PPIL4: variants seen among roughly 807,000 people sequenced by gnomAD.
The protein encoded by PPIL4 is peptidyl-prolyl cis-trans isomerase-like 4.
PPIL4 carries 50 observed loss-of-function variants against 69.1 expected under a neutral mutation model. The observed-to-expected ratio is 0.72, with a 90% CI of 0.58 to 0.92. PPIL4 has a LOEUF of 0.92. Among genes scored for constraint, PPIL4 ranks in the 40% least tolerant of loss-of-function variants. The pLI is 0.00. For synonymous variants in PPIL4, 193 were observed against 191.6 expected, an observed-to-expected ratio of 1.01 and a Z score of -0.06; for missense variants, 480 against 587.9, an observed-to-expected ratio of 0.82 and a Z score of 1.90.
At chr6:149,525,268 C>T in intron 8 of PPIL4, 59 bp from the exon 9 acceptor site, 1 of 852,220 alleles carries the variant, frequency 1.2e-6, no homozygotes, top group African/African-American at 1.7e-5. Flanking sequence ...AGCATTCACT[C>T]TCACTCTTCA....
intron 12 of PPIL4, among the ~76,000 whole-genome samples, chr6:149,507,719 T>C (rs1381898096): frequency 6.6e-6 from 1 of 152,206 alleles, no homozygotes; most frequent in African/African-American, 2.4e-5. Context: ...AGCTGAATAT[T>C]TGAATTGGAC....
At position 149,537,002 on chromosome 6, in the gene PPIL4, T is replaced by C. The variant is rs369003072; in HGVS notation, c.322-1264A>G. Among the ~76,000 whole-genome samples the C allele has an allele frequency of 5.2e-3, 793 of 152,090 alleles. 3 individuals carry two copies. The highest frequency in any genetic ancestry group is 0.016 in the South Asian group (75 of 4,826). On this transcript the variant is annotated intron_variant, in intron 4 of 12. Transcript: ENST00000253329. ...TTAGCCAGGCATGGTGGCGTGTGCC[T>C]GTAATCCCAGCTACTCAGGAGGCTG...
rs191296732 is a variant in PPIL4, at chr6:149,511,476, T to C, written c.1227+679A>G. Among the ~76,000 whole-genome samples the C allele has an allele frequency of 9.3e-4, 142 of 152,146 alleles. 1 individual carries two copies. The highest frequency in any genetic ancestry group is 1.7e-3 in the Non-Finnish European group (114 of 67,992). On this transcript the variant is annotated intron_variant, in intron 12 of 12. Transcript: ENST00000253329. ...TTTTGTCGAGATGGGGGTTTCACCA[T>C]GTTGCCCAGGCTGGTCTCCAACTCT...
intron 1 of PPIL4, among the ~76,000 whole-genome samples, chr6:149,543,543 GT>G (rs1164866911): frequency 6.6e-6 from 1 of 152,038 alleles, no homozygotes; most frequent in Admixed American, 6.5e-5. Flanking sequence ...ATTATTGCTA[GT>G]TTTTTCAAAG....
intron 12 of PPIL4, among the ~76,000 whole-genome samples, chr6:149,506,442 A>C (rs1172362435): frequency 2.0e-5 from 3 of 152,222 alleles, no homozygotes; most frequent in Admixed American, 6.5e-5. Flanking sequence ...ACTGCACTCC[A>C]GCCTGGGCAA....
At chr6:149,539,590 G>A (rs1006826414) in intron 4 of PPIL4, among the ~76,000 whole-genome samples, 3 of 151,892 alleles carry the variant, frequency 2.0e-5, no homozygotes, top group African/African-American at 7.3e-5. Flanking sequence ...ATGTTTCCTG[G>A]GCTGGTCTCG....
chr6:149,526,746 G>A lies in PPIL4; in HGVS notation c.709C>T (p.Pro237Ser), dbSNP rs1212886820. The A allele has an allele frequency of 6.2e-7, 1 of 1,612,638 alleles. No homozygotes were observed. The highest frequency in any genetic ancestry group is 8.5e-7 in the Non-Finnish European group (1 of 1,179,050). ...VGDLPDADIK[P>S]PENVLFVCKL... ...CACACAAACAGTACATTTTCTGGAGGTTTAATATCTGCATCAGGTAGGTCT... is the reference window on the plus strand; with the variant it reads ...CACACAAACAGTACATTTTCTGGAGATTTAATATCTGCATCAGGTAGGTCT... Residue 237 changes from proline to serine, a missense_variant, in exon 8 of 13, where the codon CCT (proline) becomes TCT (serine). Pro to Ser is a moderately conservative substitution (Grantham distance 74, BLOSUM62 -1). Coordinates refer to ENST00000253329, the MANE Select transcript of PPIL4 (RefSeq NM_139126.4).
At chr6:149,535,574 A>T (rs1429210894) in intron 5 of PPIL4, 22 bp downstream of exon 5, 5 of 1,597,484 alleles carry the variant, frequency 3.1e-6, no homozygotes, top group Non-Finnish European at 3.4e-6. Context: ...TAGTACATTC[A>T]GATAGCAAAT....
chr6:149,538,442 G>A (rs866587163), intron 4 of PPIL4, among the ~76,000 whole-genome samples: 34 of 152,194 alleles, frequency 2.2e-4, no homozygotes, highest in African/African-American at 4.8e-4. Flanking sequence ...CTTGAGCAAC[G>A]TAGTGAGGCC....
chr6:149,514,343 A>G (rs1469086102), intron 11 of PPIL4, among the ~76,000 whole-genome samples: 1 of 152,094 alleles, frequency 6.6e-6, no homozygotes, highest in East Asian at 1.9e-4. Context: ...TCTTCAGAGC[A>G]CTCAGTCTTG....
chr6:149,514,700 TA>T (rs796094209), intron 11 of PPIL4, among the ~76,000 whole-genome samples: 4,024 of 145,284 alleles, frequency 0.028, 159 homozygotes, highest in African/African-American at 0.094. Flanking sequence ...CAACAGCATT[TA>T]AAAAAAAAAA....
intron 9 of PPIL4, among the ~76,000 whole-genome samples, chr6:149,522,060 A>G (rs1175819745): frequency 6.6e-6 from 1 of 152,230 alleles, no homozygotes; most frequent in Non-Finnish European, 1.5e-5. Flanking sequence ...ATCCATGAAG[A>G]TATAGACAAA....
In PPIL4 at chr6:149,545,837, G is replaced by A. The variant is rs1327738407; in HGVS notation, c.70+99C>T. On this transcript the variant is annotated intron_variant, in intron 1 of 12. Coordinates refer to ENST00000253329, the MANE Select transcript of PPIL4 (RefSeq NM_139126.4). ...GCGGGCACCAGCAGCCCAGAAGCTC[G>A]AGCTCTAGCCAATCTCTGCCCTGGA... The A allele has an allele frequency of 7.8e-6, 9 of 1,147,100 alleles. No homozygotes were observed. The African/African-American group carries it at 1.4e-4, about 18-fold the overall frequency. 71.1% of individuals were successfully genotyped at this position (1,147,100 alleles called of 1,614,324 possible).
At chr6:149,538,021 G>C (rs537409900) in intron 4 of PPIL4, among the ~76,000 whole-genome samples, 2 of 152,142 alleles carry the variant, frequency 1.3e-5, no homozygotes, top group Non-Finnish European at 2.9e-5. Context: ...CACTTTGGGA[G>C]GCTGAGGCAG....
rs1040347094 is a variant in PPIL4, at chr6:149,512,044, C to T, written c.1227+111G>A. ...ACCATTCTGCTTCTTAGGAACAAAC[C>T]CATCTCTGCTTAGAACTATCCCTTA... On this transcript the variant is annotated intron_variant, in intron 12 of 12. Coordinates refer to ENST00000253329, the MANE Select transcript of PPIL4 (RefSeq NM_139126.4). 1.4e-4 allele frequency: 111 copies of T among 802,044 alleles called. No homozygotes were observed. In the African/African-American group the frequency reaches 1.8e-3, roughly 13 times the overall value. The allele number at this position is 802,044 out of a possible 1,614,324, so 49.7% of individuals were successfully genotyped here. A position where few individuals can be genotyped will look rare whatever the true frequency, so the allele number is the denominator to read the frequency against.
intron 9 of PPIL4, among the ~76,000 whole-genome samples, chr6:149,523,973 A>G (rs920954971): frequency 2.0e-5 from 3 of 152,004 alleles, no homozygotes; most frequent in Non-Finnish European, 4.4e-5. Flanking sequence ...ATCTTCCCCA[A>G]CCCTCCATGA....
In PPIL4 at chr6:149,505,524, T is replaced by C. The variant is rs201695331; in HGVS notation, c.1408A>G (p.Arg470Gly). The change falls in exon 13 of 13, where the codon AGG becomes GGG. Residue 470 changes from arginine (R) to glycine (G), a missense_variant. Arg to Gly is a moderately radical substitution (Grantham distance 125). Transcript: ENST00000253329. ...CTGCTTCGGTCTCTCTTTTTACTCCTTTCTCTTTCATAAAGATCTGTTTGG... is the reference window on the plus strand; with the variant it reads ...CTGCTTCGGTCTCTCTTTTTACTCCCTTCTCTTTCATAAAGATCTGTTTGG... Reference protein sequence around the residue: ...KYQTDLYERERSKKRDRSRSP... With the variant: ...KYQTDLYEREGSKKRDRSRSP... 2.5e-6 allele frequency: 4 copies of C among 1,614,086 alleles called. No homozygotes were observed. The East Asian group carries it at 6.7e-5, about 27-fold the overall frequency.
rs1776756255 is a variant in PPIL4 at position 149,505,536 on chromosome 6, A to G, written c.1396T>C (p.Tyr466His). Reference protein sequence around the residue: ...SHKSKYQTDLYERERSKKRDR... With the variant: ...SHKSKYQTDLHERERSKKRDR... The stretch of plus-strand genomic sequence containing the variant: ...CTCTTTTTACTCCTTTCTCTTTCAT[A>G]AAGATCTGTTTGGTATTTTGATTTA... The change falls in exon 13 of 13, where the codon TAT (tyrosine) becomes CAT (histidine). Residue 466 changes from tyrosine (Y) to histidine (H), a missense_variant. Transcript: ENST00000253329. 1 of 1,613,852 alleles carries G rather than the reference A, an allele frequency of 6.2e-7. No individual in the cohort carries two copies. Among genetic ancestry groups the G allele is most frequent in the South Asian group, 1.1e-5 (1 of 91,078 alleles).
intron 2 of PPIL4, 41 bp from the exon 3 acceptor site, chr6:149,541,472 T>C: frequency 6.5e-7 from 1 of 1,534,312 alleles, no homozygotes; most frequent in Non-Finnish European, 9.0e-7. Context: ...CAGAGTTTGT[T>C]AGATAGTTCC....
Sources: gnomAD v4.1 joint callset for allele counts (sites outside exome capture counted in the v4.1 genomes callset) on GRCh38, gnomAD v4.1.1 for gene constraint, MANE v1.5 for transcripts, NCBI Gene and HGNC (gene_info 2026-07-23, HGNC 2026-07-21) for gene names.